Variants in TTLL10 observed in about 807,000 individuals in gnomAD.
The protein encoded by TTLL10 is inactive polyglycylase TTLL10.
Under a neutral mutation model 69.0 loss-of-function variants are expected in TTLL10, and 61 were observed. The ratio of observed to expected loss-of-function variants is 0.88; its 90% confidence interval spans 0.72 to 1.09. The LOEUF (loss-of-function observed/expected upper bound fraction) is 1.09. Ranked by LOEUF, TTLL10 falls within the 50% of genes least tolerant of loss-of-function variation. The pLI, the probability that TTLL10 is intolerant of heterozygous loss-of-function variation, is 0.00. For missense variants in TTLL10, 962 were observed against 945.9 expected, an observed-to-expected ratio of 1.02 and a Z score of -0.22; for synonymous variants, 408 against 393.3, an observed-to-expected ratio of 1.04 and a Z score of -0.44.
At chr1:1,190,067 G>A (rs530336709) in intron 13 of TTLL10, among the ~76,000 whole-genome samples, 20 of 148,454 alleles carry the variant, frequency 1.3e-4, no homozygotes, top group African/African-American at 2.5e-4. Context: ...AGCCGAGATC[G>A]CACCACTGCA....
chr1:1,180,466 G>GCCCCCCCCC lies in TTLL10; in HGVS notation c.507-12_507-11insCCCCCCCCC. The GCCCCCCCCC allele has an allele frequency of 1.6e-6, 1 of 614,656 alleles. No individual in the cohort carries two copies. The allele number at this position is 614,656 out of a possible 1,614,324, so 38.1% of individuals were successfully genotyped here. On this transcript the variant is annotated splice_polypyrimidine_tract_variant and intron_variant, in intron 6 of 15. Coordinates refer to ENST00000379289, the MANE Select transcript of TTLL10 (RefSeq NM_001130045.2). Reference sequence around the variant, plus strand: ...TTGCCTCGGCCCCCAGGTCACCCCCGCCCCCACCCCTCGCAGCATCAGCTC... The same window carrying GCCCCCCCCC: ...TTGCCTCGGCCCCCAGGTCACCCCCGCCCCCCCCCCCCCCACCCCTCGCAGCATCAGCTC...
chr1:1,179,207 C>A lies in TTLL10; in HGVS notation c.-9C>A, dbSNP rs1041525528. On this transcript the variant is annotated 5_prime_UTR_variant, in exon 4 of 16. Transcript: ENST00000379289. ...CCTTCAGGGCCCTCGCCCGGGCACC[C>A]CCCGGCCAATGGACCACAGCTGCAC... The A allele has an allele frequency of 1.3e-6, 2 of 1,535,684 alleles. No individual in the cohort carries two copies. The highest frequency in any genetic ancestry group is 1.8e-4 in the Middle Eastern group (1 of 5,452).
chr1:1,189,746 T>C (rs78281127), intron 13 of TTLL10, among the ~76,000 whole-genome samples: 3,929 of 152,304 alleles, frequency 0.026, 168 homozygotes, highest in African/African-American at 0.089. Context: ...TTATTACTAA[T>C]ACTGCTGCAA....
Position 1,183,940 on chromosome 1 carries a change from T to C in TTLL10, c.1109T>C (p.Leu370Pro). ...VVQRYIQNPL[L>P]VDGRKFDVRS... Reference sequence around the variant, plus strand: ...CCCAGGTACATCCAGAACCCGCTGCTGGTGGACGGGAGAAAGTTTGACGTG... The same window carrying C: ...CCCAGGTACATCCAGAACCCGCTGCCGGTGGACGGGAGAAAGTTTGACGTG... Residue 370 changes from leucine (L) to proline (P), a missense_variant, in exon 12 of 16, where the codon CTG becomes CCG. Transcript: ENST00000379289. The C allele has an allele frequency of 6.2e-7, 1 of 1,614,200 alleles. No homozygotes were observed. Among genetic ancestry groups the C allele is most frequent in the African/African-American group, 1.3e-5 (1 of 75,056 alleles).
At chr1:1,195,361 G>C (rs1648122257) in intron 13 of TTLL10, among the ~76,000 whole-genome samples, 2 of 152,098 alleles carry the variant, frequency 1.3e-5, no homozygotes, top group South Asian at 4.1e-4. Flanking sequence ...CAAATCTGCT[G>C]TTGAGCACTT....
chr1:1,188,613 C>T (rs1647518817), intron 13 of TTLL10, among the ~76,000 whole-genome samples: 1 of 152,124 alleles, frequency 6.6e-6, no homozygotes, highest in Admixed American at 6.5e-5. Flanking sequence ...CTGTGTTGGC[C>T]AGGCTGATCT....
intron 11 of TTLL10, among the ~76,000 whole-genome samples, chr1:1,183,465 C>T (rs1405898838): frequency 1.3e-5 from 2 of 152,060 alleles, no homozygotes; most frequent in African/African-American, 4.8e-5. Context: ...AAGGTTTAGA[C>T]CTGTCGACCT....
chr1:1,180,998 AGGCT>A, intron 8 of TTLL10, 138 bp downstream of exon 8: 1 of 701,142 alleles, frequency 1.4e-6, no homozygotes. Context: ...CCAGGCTCCC[AGGCT>A]GGCTCCAGCC....
Position 1,182,971 on chromosome 1 carries a change from A to G in TTLL10, c.1012A>G (p.Lys338Glu). 6.2e-7 allele frequency: 1 copy of G among 1,607,686 alleles called. No individual in the cohort carries two copies. The highest frequency in any genetic ancestry group is 8.5e-7 in the Non-Finnish European group (1 of 1,177,652). Residue 338 changes from lysine to glutamate, a missense_variant, in exon 11 of 16, where the codon AAG (lysine) becomes GAG (glutamate). Coordinates refer to ENST00000379289, the MANE Select transcript of TTLL10 (RefSeq NM_001130045.2). ...NQEEVAALQA[K>E]TRSMEDDPIH... ...GGAGGAAGTTGCCGCCCTGCAGGCC[A>G]AGACCCGGAGCATGGAGGACGACCC... is the stretch of plus-strand genomic sequence containing the variant.
chr1:1,182,767 A>G, intron 10 of TTLL10, 109 bp from the exon 11 acceptor site: 1 of 1,419,400 alleles, frequency 7.0e-7, no homozygotes, highest in Non-Finnish European at 9.4e-7. Context: ...CAAGGTTGGA[A>G]TGGCCGGGCC....
chr1:1,186,849 TG>T (rs1472895669), intron 13 of TTLL10, among the ~76,000 whole-genome samples: 3 of 140,028 alleles, frequency 2.1e-5, no homozygotes, highest in East Asian at 7.2e-4. Flanking sequence ...GTTTGTTTTT[TG>T]TTTTTTTTTT....
intron 13 of TTLL10, among the ~76,000 whole-genome samples, chr1:1,186,092 C>CCT (rs746405289): frequency 7.0e-6 from 1 of 143,706 alleles, no homozygotes; most frequent in East Asian, 2.0e-4. Flanking sequence ...CTTTTCTTTT[C>CCT]TTTTTTTTTT....
chr1:1,180,408 G>T, intron 6 of TTLL10, 68 bp downstream of exon 6: 1 of 1,540,068 alleles, frequency 6.5e-7, no homozygotes, highest in Non-Finnish European at 8.8e-7. Context: ...GGCCCAGCCC[G>T]GCCTCCGCTG....
chr1:1,181,797 G>T lies in TTLL10; in HGVS notation c.812G>T (p.Gly271Val). The part of the protein sequence containing the change: ...ALEDLPWTSP[G>V]YLRPQRVLRM... ...GAGGACCTCCCGTGGACAAGCCCAGGATACCTCAGGCCACAGAGGTAGACT... is the reference window on the plus strand; with the variant it reads ...GAGGACCTCCCGTGGACAAGCCCAGTATACCTCAGGCCACAGAGGTAGACT... The change falls in exon 9 of 16, where the codon GGA becomes GTA. Residue 271 changes from glycine (G) to valine (V), a missense_variant. Physicochemically the swap from Gly to Val is moderately radical, Grantham distance 109. Coordinates refer to ENST00000379289, the MANE Select transcript of TTLL10 (RefSeq NM_001130045.2). The surrounding 1 kb of genome is among the most constrained non-coding windows in gnomAD (Gnocchi z 4.6). 1 of 1,608,930 alleles carries T rather than the reference G, an allele frequency of 6.2e-7. No homozygotes were observed. The highest frequency in any genetic ancestry group is 2.2e-5 in the East Asian group (1 of 44,726).
rs1648365077 is a variant in TTLL10, at chr1:1,197,889, G to A, written c.*42G>A. 2.2e-6 allele frequency: 3 copies of A among 1,390,742 alleles called. No homozygotes were observed. The highest frequency in any genetic ancestry group is 1.9e-6 in the Non-Finnish European group (2 of 1,074,080). 86.2% of individuals were successfully genotyped at this position (1,390,742 alleles called of 1,614,324 possible). ...CCAGCGCCCCGCGCCCCGCGCCCCA[G>A]CCGTGCTGCCTGCCCTCAGGGACCT... On this transcript the variant is annotated 3_prime_UTR_variant, in exon 16 of 16. Coordinates refer to ENST00000379289, the MANE Select transcript of TTLL10 (RefSeq NM_001130045.2).
rs1298314480 is a variant in TTLL10, at chr1:1,196,654, G to C, written c.1456G>C (p.Asp486His). ...HCFLAAKPKL[D>H]CKLGYFDLIG... ...CTTTCTGGCCGCCAAGCCCAAGCTG[G>C]ACTGCAAGCTGGGTTACTTTGACCT... Residue 486 changes from aspartate (D) to histidine (H), a missense_variant, in exon 14 of 16, where the codon GAC becomes CAC. Asp to His is a moderately conservative substitution (Grantham distance 81). Transcript: ENST00000379289. The C allele has an allele frequency of 5.2e-6, 8 of 1,551,908 alleles. No individual in the cohort carries two copies. The Admixed American group carries it at 1.6e-4, about 30-fold the overall frequency.
intron 3 of TTLL10, among the ~76,000 whole-genome samples, chr1:1,177,213 TGTA>T (rs954915099): frequency 7.2e-4 from 109 of 152,208 alleles, no homozygotes; most frequent in African/African-American, 2.5e-3. Flanking sequence ...TGTCTGTGTG[TGTA>T]GGTGTGTCTG....
At chr1:1,179,069 G>C (rs746913161) in intron 3 of TTLL10, 120 bp from the exon 4 acceptor site, 2 of 651,080 alleles carry the variant, frequency 3.1e-6, no homozygotes, top group East Asian at 6.0e-5. Flanking sequence ...TCAAGCCCAC[G>C]GCCCTGGGAG....
At chr1:1,180,966 C>A in intron 8 of TTLL10, 106 bp downstream of exon 8, 1 of 1,118,706 alleles carries the variant, frequency 8.9e-7, no homozygotes. Flanking sequence ...CCGCCCCTGC[C>A]CTTGCCCCTG....
Sources: allele counts gnomAD v4.1 joint callset (sites outside exome capture counted in the v4.1 genomes callset), GRCh38; gene constraint gnomAD v4.1.1; non-coding constraint Gnocchi (gnomAD v3.1); transcripts MANE v1.5; gene names NCBI Gene and HGNC (gene_info 2026-07-23, HGNC 2026-07-21).